Variants in PIH1D2 observed in about 807,000 individuals in gnomAD.
PIH1D2 encodes PIH1 domain containing 2.
A neutral mutation model predicts 31.2 loss-of-function variants in PIH1D2; 25 were observed. The ratio of observed to expected loss-of-function variants is 0.80; its 90% confidence interval spans 0.58 to 1.12. The LOEUF is 1.12. Ranked by LOEUF, PIH1D2 falls within the 50% of genes most tolerant of loss-of-function variation. PIH1D2 has a pLI of 0.00. For synonymous variants in PIH1D2, 116 were observed against 119.9 expected, an observed-to-expected ratio of 0.97 and a Z score of 0.21; for missense variants, 310 against 356.6, an observed-to-expected ratio of 0.87 and a Z score of 1.05.
chr11:112,070,952 A>G, intron 4 of PIH1D2, 86 bp downstream of exon 4: 1 of 1,420,062 alleles, frequency 7.0e-7, no homozygotes, highest in Non-Finnish European at 9.4e-7. Context: ...ACCTTTTAAA[A>G]TAGAGATTTC....
chr11:112,061,730 A>T (rs782160153), downstream of PIH1D2, among the ~76,000 whole-genome samples: 1 of 152,096 alleles, frequency 6.6e-6, no homozygotes, highest in Non-Finnish European at 1.5e-5. Flanking sequence ...GATTACAGGC[A>T]TGTACTACCA....
At chr11:112,073,381 A>G (rs113169147) in intron 1 of PIH1D2, among the ~76,000 whole-genome samples, 176 bp from the exon 2 acceptor site, 2 of 152,048 alleles carry the variant, frequency 1.3e-5, no homozygotes, top group African/African-American at 4.8e-5. Flanking sequence ...ATTATCTAGT[A>G]CCTCTTCCTA....
downstream of PIH1D2, among the ~76,000 whole-genome samples, chr11:112,059,486 A>G (rs1469039095): frequency 8.6e-5 from 13 of 151,616 alleles, no homozygotes; most frequent in South Asian, 2.7e-3. Flanking sequence ...TCCACCTCCC[A>G]GGTTCAAGTG....
chr11:112,055,427 GT>G, the PIH1D2 span, among the ~76,000 whole-genome samples: 3 of 151,622 alleles, frequency 2.0e-5, no homozygotes, highest in Admixed American at 2.0e-4. Context: ...TGTATTTTTA[GT>G]AGAGATGGGG....
At chr11:112,059,875 TA>T (rs1168526361), downstream of PIH1D2, 70 of 1,536,494 alleles carry the variant, frequency 4.6e-5, no homozygotes, top group Non-Finnish European at 5.5e-5. Context: ...AACAGTTTTT[TA>T]TTATATTTAT....
chr11:112,062,562 C>T (rs1555183409), downstream of PIH1D2: 1 of 1,609,960 alleles, frequency 6.2e-7, no homozygotes, highest in Admixed American at 1.7e-5. Flanking sequence ...TAAACTCTCC[C>T]AGGTCACACT....
chr11:112,072,923 G>A, intron 2 of PIH1D2, 75 bp downstream of exon 2: 3 of 1,325,490 alleles, frequency 2.3e-6, no homozygotes, highest in South Asian at 3.4e-5. Flanking sequence ...CAATACCTAA[G>A]TGTAAAGTAT....
chr11:112,054,675 T>C, the PIH1D2 span, among the ~76,000 whole-genome samples: 1 of 152,310 alleles, frequency 6.6e-6, no homozygotes, highest in East Asian at 1.9e-4. Flanking sequence ...TTATAAACTG[T>C]ATAGTTTTCC....
At chr11:112,062,363 T>C, downstream of PIH1D2, 1 of 1,609,080 alleles carries the variant, frequency 6.2e-7, no homozygotes, top group Non-Finnish European at 8.5e-7. Flanking sequence ...TGAAATGCAG[T>C]ATTTTCTTTC....
At chr11:112,060,052 C>A (rs1864460439), downstream of PIH1D2, 1 of 1,613,580 alleles carries the variant, frequency 6.2e-7, no homozygotes, top group Admixed American at 1.7e-5. Context: ...AAACTACAGC[C>A]ACATGAATTC....
downstream of PIH1D2, among the ~76,000 whole-genome samples, chr11:112,062,097 GC>G (rs1555183334): frequency 6.6e-6 from 1 of 152,110 alleles, no homozygotes; most frequent in Non-Finnish European, 1.5e-5. Context: ...GGGACATATG[GC>G]TGCTGTTGCA....
At position 112,073,104 on chromosome 11, in the gene PIH1D2, T is replaced by G. The variant is rs1464454323; in HGVS notation, c.71A>C (p.Gln24Pro). The G allele has an allele frequency of 6.2e-7, 1 of 1,614,044 alleles. No homozygotes were observed. The highest frequency in any genetic ancestry group is 1.3e-5 in the African/African-American group (1 of 74,932). Residue 24 changes from glutamine to proline, a missense_variant, in exon 2 of 6, where the codon CAG (glutamine) becomes CCG (proline). By Grantham distance (76) the Gln-to-Pro change is moderately conservative. Transcript: ENST00000280350. The stretch of plus-strand genomic sequence containing the variant: ...CTTCTCATAGCCCTCAGGGTCACTC[T>G]GAGCTAGATCATCTAGGAGGTTCCA... ...QFWNLLDDLA[Q>P]SDPEGYEKFI... is the part of the protein sequence containing the mutation.
At chr11:112,068,798 T>C (rs1865014439) in intron 5 of PIH1D2, among the ~76,000 whole-genome samples, 2 of 151,512 alleles carry the variant, frequency 1.3e-5, no homozygotes, top group South Asian at 4.2e-4. Flanking sequence ...AATAAATAAA[T>C]AAAAAGGACT....
downstream of PIH1D2, among the ~76,000 whole-genome samples, chr11:112,062,038 G>C (rs782524809): frequency 1.3e-5 from 2 of 152,296 alleles, no homozygotes; most frequent in East Asian, 3.9e-4. Context: ...TCTAGGTGAG[G>C]AGTCAGCATG....
At position 112,072,797 on chromosome 11, in the gene PIH1D2, G is replaced by C. The variant is rs184137682; in HGVS notation, c.177+201C>G. 2.7e-5 allele frequency: 13 copies of C among 477,834 alleles called. No homozygotes were observed. In the Admixed American group the frequency reaches 3.9e-4, roughly 14 times the overall value. 29.6% of individuals were successfully genotyped at this position (477,834 alleles called of 1,614,324 possible). On this transcript the variant is annotated intron_variant, in intron 2 of 5. Transcript: ENST00000280350. ...GAGAATCGCTTAAACCCGGGAGGCA[G>C]AGGTTGCAGCGAGCCAAGACCACAC...
chr11:112,072,889 CAA>C (rs1164293992), intron 2 of PIH1D2, 107 bp downstream of exon 2: 4 of 885,476 alleles, frequency 4.5e-6, no homozygotes, highest in African/African-American at 4.3e-5. Context: ...CAAAACAAAA[CAA>C]AAAAAAAACA....
At chr11:112,070,975 T>G (rs868939409) in intron 4 of PIH1D2, 63 bp downstream of exon 4, 1 of 1,525,204 alleles carries the variant, frequency 6.6e-7, no homozygotes, top group Admixed American at 2.1e-5. Context: ...GTTTGCAAAA[T>G]GTATACAGGA....
downstream of PIH1D2, among the ~76,000 whole-genome samples, chr11:112,060,301 C>T (rs1387827225): frequency 1.3e-5 from 2 of 151,672 alleles, no homozygotes; most frequent in African/African-American, 4.8e-5. Flanking sequence ...GCTGGGACTA[C>T]AGGCACCTGC....
chr11:112,060,087 T>C (rs1221136931), downstream of PIH1D2: 7 of 1,606,464 alleles, frequency 4.4e-6, no homozygotes, highest in Non-Finnish European at 6.0e-6. Flanking sequence ...ATTATTGCTT[T>C]CTAATTATGT....
Sources: allele counts gnomAD v4.1 joint callset (sites outside exome capture counted in the v4.1 genomes callset), GRCh38; gene constraint gnomAD v4.1.1; transcripts MANE v1.5; gene names NCBI Gene and HGNC (gene_info 2026-07-23, HGNC 2026-07-21).